Variants in CTNNA3 observed in about 807,000 individuals in gnomAD.
The protein encoded by CTNNA3 is catenin alpha 3.
In CTNNA3, 76 loss-of-function variants were observed where a neutral mutation model predicts 95.7. That is an observed-to-expected ratio of 0.79 (90% confidence interval 0.66 to 0.96). CTNNA3 has a LOEUF of 0.96. Ranked by LOEUF, CTNNA3 falls within the 40% of genes least tolerant of loss-of-function variation. The pLI, the probability that CTNNA3 is intolerant of heterozygous loss-of-function variation, is 0.00. For synonymous variants in CTNNA3, 431 were observed against 374.4 expected (o/e 1.15, Z -1.74); for missense variants, 1,191 against 1,089.8 (o/e 1.09, Z -1.31).
At chr10:66,440,442 T>C (rs937076094) in intron 11 of CTNNA3, among the ~76,000 whole-genome samples, 8 of 152,202 alleles carry the variant, frequency 5.3e-5, no homozygotes, top group African/African-American at 1.9e-4. Flanking sequence ...TTTCTCTGTG[T>C]CTGCAGCTTA....
intron 5 of CTNNA3, among the ~76,000 whole-genome samples, chr10:67,446,177 A>G (rs1846739305): frequency 6.6e-6 from 1 of 152,142 alleles, no homozygotes; most frequent in Non-Finnish European, 1.5e-5. Flanking sequence ...TGAGCTTTGT[A>G]CATCTCCTCA....
At chr10:67,479,382 T>G (rs1022789983) in intron 5 of CTNNA3, among the ~76,000 whole-genome samples, 1 of 151,932 alleles carries the variant, frequency 6.6e-6, no homozygotes, top group African/African-American at 2.4e-5. Context: ...TTCAAAAAAA[T>G]GAAAATCATA....
intron 9 of CTNNA3, among the ~76,000 whole-genome samples, chr10:66,652,423 C>A (rs1008349699): frequency 1.3e-5 from 2 of 151,914 alleles, no homozygotes; most frequent in Non-Finnish European, 2.9e-5. Flanking sequence ...AGAGATATCA[C>A]CCACCCAGAT....
chr10:66,186,329 G>A (rs1388178184), intron 13 of CTNNA3, among the ~76,000 whole-genome samples: 1 of 151,856 alleles, frequency 6.6e-6, no homozygotes, highest in Non-Finnish European at 1.5e-5. Flanking sequence ...AGAGATGAGT[G>A]TGTGTTGGAA....
At chr10:67,705,258 C>T (rs983184345) in intron 1 of CTNNA3, among the ~76,000 whole-genome samples, 1 of 152,086 alleles carries the variant, frequency 6.6e-6, no homozygotes, top group Non-Finnish European at 1.5e-5. Flanking sequence ...TACCATTTGA[C>T]CCAGCCATCC....
At chr10:66,618,577 T>G (rs1217447391) in intron 10 of CTNNA3, among the ~76,000 whole-genome samples, 2 of 152,132 alleles carry the variant, frequency 1.3e-5, no homozygotes, top group Admixed American at 1.3e-4. Context: ...GATTAAAGAC[T>G]TAAACGTTAG....
At chr10:66,090,802 T>C (rs569633952) in intron 14 of CTNNA3, among the ~76,000 whole-genome samples, 1 of 152,194 alleles carries the variant, frequency 6.6e-6, no homozygotes, top group Non-Finnish European at 1.5e-5. Flanking sequence ...AAGCTTTAGA[T>C]GTTTAGAGTG....
chr10:67,433,603 C>T (rs1159654875), intron 5 of CTNNA3, among the ~76,000 whole-genome samples: 1 of 151,670 alleles, frequency 6.6e-6, no homozygotes, highest in Non-Finnish European at 1.5e-5. Flanking sequence ...TTTGTATTGC[C>T]TTTATCAAAC....
chr10:67,112,535 G>A (rs944542877), intron 7 of CTNNA3, among the ~76,000 whole-genome samples: 7 of 152,044 alleles, frequency 4.6e-5, no homozygotes, highest in Non-Finnish European at 7.4e-5. Context: ...AATGGATAAA[G>A]TAAGATAATG....
Position 67,483,786 on chromosome 10 carries a change from A to AAC in CTNNA3, c.579+38054_579+38055dup, listed in dbSNP as rs1554842838. On this transcript the variant is annotated intron_variant, in intron 5 of 17. Coordinates refer to ENST00000433211, the MANE Select transcript of CTNNA3 (RefSeq NM_013266.4). ...TAAAAAAATAAAAATTAAAAAAAAA[A>AAC]ACAAAAAAAAAACAAAACACTGCTC... Among the ~76,000 whole-genome samples the AAC allele has an allele frequency of 3.3e-5, 5 of 149,526 alleles. No individual in the cohort carries two copies. The South Asian group carries it at 1.1e-3, about 32-fold the overall frequency.
intron 7 of CTNNA3, among the ~76,000 whole-genome samples, chr10:67,150,640 G>A (rs1371890657): frequency 6.6e-6 from 1 of 152,182 alleles, no homozygotes; most frequent in African/African-American, 2.4e-5. Context: ...GAGATCATTA[G>A]AAGTCTTCAA....
upstream of CTNNA3, among the ~76,000 whole-genome samples, chr10:67,697,219 A>C (rs1018081586): frequency 6.6e-6 from 1 of 152,202 alleles, no homozygotes; most frequent in Non-Finnish European, 1.5e-5. Flanking sequence ...TTATCTAAAG[A>C]TTCTTAGTTG....
At chr10:66,911,157 G>A (rs2132558771) in intron 7 of CTNNA3, among the ~76,000 whole-genome samples, 1 of 152,286 alleles carries the variant, frequency 6.6e-6, no homozygotes, top group East Asian at 1.9e-4. Context: ...GCACGTTTCA[G>A]TTACTTAAGG....
intron 7 of CTNNA3, among the ~76,000 whole-genome samples, chr10:66,903,030 G>C (rs1446807647): frequency 6.6e-6 from 1 of 152,106 alleles, no homozygotes; most frequent in Non-Finnish European, 1.5e-5. Flanking sequence ...CATTTTATGA[G>C]GCCAGCATCA....
At chr10:67,598,672 C>T (rs557864266) in intron 3 of CTNNA3, among the ~76,000 whole-genome samples, 23 of 152,144 alleles carry the variant, frequency 1.5e-4, no homozygotes, top group African/African-American at 5.5e-4. Flanking sequence ...ATACTAGAAA[C>T]CGTAGTGGTT....
intron 11 of CTNNA3, among the ~76,000 whole-genome samples, chr10:66,404,806 A>G (rs571326805): frequency 6.7e-5 from 10 of 150,312 alleles, no homozygotes; most frequent in African/African-American, 2.5e-4. Context: ...ATAGTCTATC[A>G]TTAGTATTAG....
chr10:66,125,861 T>G (rs554900880), intron 13 of CTNNA3, among the ~76,000 whole-genome samples: 1 of 152,176 alleles, frequency 6.6e-6, no homozygotes, highest in South Asian at 2.1e-4. Flanking sequence ...AGGAGGAGGA[T>G]TGAATAGGTG....
At chr10:66,346,895 T>C (rs903363107) in intron 12 of CTNNA3, among the ~76,000 whole-genome samples, 2 of 151,864 alleles carry the variant, frequency 1.3e-5, no homozygotes, top group African/African-American at 4.8e-5. Flanking sequence ...GGTGATGAGA[T>C]TAAGAATCTT....
intron 7 of CTNNA3, among the ~76,000 whole-genome samples, chr10:66,892,601 A>G (rs1340599657): frequency 1.3e-5 from 2 of 152,128 alleles, no homozygotes; most frequent in Non-Finnish European, 2.9e-5. Flanking sequence ...AAGTGAAAAA[A>G]TCCAATATAT....
Sources: gnomAD v4.1 joint callset for allele counts (sites outside exome capture counted in the v4.1 genomes callset) on GRCh38, gnomAD v4.1.1 for gene constraint, MANE v1.5 for transcripts, NCBI Gene and HGNC (gene_info 2026-07-23, HGNC 2026-07-21) for gene names.